The following IL7 variants were observed in gnomAD, a reference collection of about 807,000 sequenced individuals.
IL7 encodes interleukin-7.
Under a neutral mutation model 21.6 loss-of-function variants are expected in IL7, and 3 were observed. The ratio of observed to expected loss-of-function variants is 0.14; its 90% CI spans 0.06 to 0.36. IL7 has a LOEUF of 0.36. Ranked by LOEUF, IL7 falls within the 10% of genes least tolerant of loss-of-function variation. The pLI, the probability that IL7 is intolerant of heterozygous loss-of-function variation, is 1.00. For synonymous variants in IL7, 62 were observed against 68.1 expected (o/e 0.91, Z 0.44); for missense variants, 175 against 200.2 (o/e 0.87, Z 0.76).
At chr8:78,800,336 T>A (rs943946558) in intron 1 of IL7, among the ~76,000 whole-genome samples, 1 of 152,184 alleles carries the variant, frequency 6.6e-6, no homozygotes, top group Admixed American at 6.5e-5. Context: ...TTCACTCTGC[T>A]GCCCAGGCTG....
chr8:78,778,535 A>T (rs2130802779), intron 2 of IL7, among the ~76,000 whole-genome samples: 1 of 152,284 alleles, frequency 6.6e-6, no homozygotes, highest in East Asian at 1.9e-4. Context: ...CAGGTTTGTC[A>T]AAGATCGGAT....
chr8:78,798,271 T>G, intron 1 of IL7, 63 bp from the exon 2 acceptor site: 1 of 1,214,380 alleles, frequency 8.2e-7, no homozygotes. Context: ...GATTGTGGGG[T>G]TTCAATGGAC....
intron 3 of IL7, among the ~76,000 whole-genome samples, chr8:78,690,298 G>A (rs1002762192): frequency 3.9e-5 from 6 of 152,122 alleles, no homozygotes; most frequent in Admixed American, 2.0e-4. Flanking sequence ...AGTGGCTCCC[G>A]CCTTTAATCC....
chr8:78,678,541 C>G, intron 4 of IL7: 1 of 1,560,714 alleles, frequency 6.4e-7, no homozygotes, highest in South Asian at 1.2e-5. Context: ...AAATGATAGG[C>G]TGCATTTCTT....
chr8:78,736,172 T>C (rs1303765532), intron 5 of IL7, among the ~76,000 whole-genome samples: 1 of 151,734 alleles, frequency 6.6e-6, no homozygotes, highest in South Asian at 2.1e-4. Flanking sequence ...TTCTCCTATA[T>C]AAATTATTTG....
At chr8:78,687,815 A>T (rs1425724966) in intron 3 of IL7, among the ~76,000 whole-genome samples, 5 of 130,884 alleles carry the variant, frequency 3.8e-5, no homozygotes, top group African/African-American at 1.4e-4. Flanking sequence ...CATGTAATAA[A>T]TATATATATT....
chr8:78,792,579 A>G (rs2130832720), intron 2 of IL7, among the ~76,000 whole-genome samples: 1 of 152,274 alleles, frequency 6.6e-6, no homozygotes, highest in Admixed American at 6.5e-5. Flanking sequence ...AAATGAAAAG[A>G]CAAATAATCC....
intron 2 of IL7, among the ~76,000 whole-genome samples, chr8:78,769,405 G>A (rs1481667243): frequency 6.6e-6 from 1 of 152,000 alleles, no homozygotes; most frequent in African/African-American, 2.4e-5. Context: ...CAAACAGAGA[G>A]CCAAATCATG....
intron 3 of IL7, among the ~76,000 whole-genome samples, chr8:78,695,109 A>G (rs1201277871): frequency 6.6e-6 from 1 of 152,184 alleles, no homozygotes; most frequent in Non-Finnish European, 1.5e-5. Context: ...GGGGAGGTGA[A>G]TAATGTTTTA....
intron 1 of IL7, 56 bp from the exon 2 acceptor site, chr8:78,798,264 T>G: frequency 7.5e-7 from 1 of 1,333,660 alleles, no homozygotes; most frequent in Non-Finnish European, 1.0e-6. Context: ...TGCATTTGAT[T>G]GTGGGGTTTC....
At chr8:78,761,957 A>C in intron 2 of IL7, 1 of 1,610,142 alleles carries the variant, frequency 6.2e-7, no homozygotes, top group Non-Finnish European at 8.5e-7. Context: ...CTTCTCTTCA[A>C]GGGTTAGAGG....
downstream of IL7, among the ~76,000 whole-genome samples, chr8:78,713,655 C>T (rs1811013985): frequency 6.6e-6 from 1 of 152,112 alleles, no homozygotes; most frequent in Non-Finnish European, 1.5e-5. Context: ...CATTCATGCA[C>T]CAAAGTGATT....
At chr8:78,737,348 G>T (rs962742506) in intron 4 of IL7, among the ~76,000 whole-genome samples, 1 of 152,080 alleles carries the variant, frequency 6.6e-6, no homozygotes, top group Non-Finnish European at 1.5e-5. Context: ...GCATTAGACA[G>T]TACTTTGAAA....
chr8:78,738,080 T>G (rs1313190610), intron 4 of IL7, among the ~76,000 whole-genome samples: 1 of 152,144 alleles, frequency 6.6e-6, no homozygotes, highest in Non-Finnish European at 1.5e-5. Flanking sequence ...TTGGACATGT[T>G]TATGTCTAGT....
intron 2 of IL7, among the ~76,000 whole-genome samples, chr8:78,770,264 A>G (rs568665677): frequency 2.6e-5 from 4 of 152,296 alleles, no homozygotes; most frequent in Non-Finnish European, 5.9e-5. Flanking sequence ...GGTACATTCA[A>G]TAAAATTTGC....
chr8:78,758,375 T>G (rs544877007), intron 2 of IL7, among the ~76,000 whole-genome samples: 12 of 152,096 alleles, frequency 7.9e-5, no homozygotes, highest in Non-Finnish European at 1.8e-4. Flanking sequence ...TCTTTACAGT[T>G]TGGTCATTTT....
At chr8:78,737,761 A>G (rs1234963210) in intron 4 of IL7, among the ~76,000 whole-genome samples, 12 of 152,176 alleles carry the variant, frequency 7.9e-5, no homozygotes, top group Admixed American at 4.6e-4. Flanking sequence ...CATAAAATAA[A>G]CTTTTGGTTT....
intron 3 of IL7, among the ~76,000 whole-genome samples, chr8:78,725,179 G>A (rs1811319765): frequency 6.6e-6 from 1 of 151,990 alleles, no homozygotes; most frequent in Non-Finnish European, 1.5e-5. Flanking sequence ...CTACTGAACA[G>A]ACTTGGATTC....
intron 1 of IL7, among the ~76,000 whole-genome samples, chr8:78,800,515 GT>G (rs945199887): frequency 3.9e-5 from 6 of 152,158 alleles, no homozygotes; most frequent in African/African-American, 1.4e-4. Flanking sequence ...GTACAGACTG[GT>G]CTTGAACTCC....
Sources: allele counts gnomAD v4.1 joint callset (sites outside exome capture counted in the v4.1 genomes callset), GRCh38; gene constraint gnomAD v4.1.1; transcripts MANE v1.5; gene names NCBI Gene and HGNC (gene_info 2026-07-23, HGNC 2026-07-21).